Variants in CHST11 observed in about 807,000 individuals in gnomAD.
The protein encoded by CHST11 is carbohydrate sulfotransferase 11, also known as C4S-1.
In CHST11, 9 loss-of-function variants were observed where a neutral mutation model predicts 30.4. The observed-to-expected ratio is 0.30, with a 90% CI of 0.18 to 0.52. The LOEUF is 0.52. CHST11 is among the 20% of genes least tolerant of loss of function. The pLI is 0.97. For synonymous variants in CHST11, 152 were observed against 187.8 expected (o/e 0.81, Z 1.56); for missense variants, 348 against 460.6 (o/e 0.76, Z 2.24).
At chr12:104,725,742 C>G (rs1408515075) in intron 2 of CHST11, among the ~76,000 whole-genome samples, 1 of 151,998 alleles carries the variant, frequency 6.6e-6, no homozygotes, top group African/African-American at 2.4e-5. Flanking sequence ...ATTCTTATCA[C>G]CCTTTACACA....
intron 2 of CHST11, among the ~76,000 whole-genome samples, chr12:104,631,261 T>G (rs150266041): frequency 6.2e-4 from 95 of 152,312 alleles, no homozygotes; most frequent in Admixed American, 4.9e-3. Flanking sequence ...TCCTTTTCAG[T>G]GGGGTCACCC....
rs1026483336 is a variant in CHST11, at chr12:104,614,434, A to G, written c.204+12443A>G. Among the ~76,000 whole-genome samples, 4 of 152,294 alleles carry G rather than the reference A, an allele frequency of 2.6e-5. No homozygotes were observed. The East Asian group carries it at 7.7e-4, about 29-fold the overall frequency. On this transcript the variant is annotated intron_variant, in intron 2 of 2. Transcript: ENST00000303694. Reference sequence around the variant, plus strand: ...TGTTGTGCACCAATTGTTCCAGCTGACTCGGGAGGCTGAGACGGGAGGATC... The same window carrying G: ...TGTTGTGCACCAATTGTTCCAGCTGGCTCGGGAGGCTGAGACGGGAGGATC...
intron 2 of CHST11, among the ~76,000 whole-genome samples, chr12:104,650,741 T>C (rs2039482661): frequency 6.6e-6 from 1 of 152,178 alleles, no homozygotes; most frequent in Non-Finnish European, 1.5e-5. Context: ...TGGAATTTGA[T>C]CTGAGCCTAA....
chr12:104,576,205 A>G (rs61940027), intron 1 of CHST11, among the ~76,000 whole-genome samples: 10,749 of 152,160 alleles, frequency 0.071, 431 homozygotes, highest in Middle Eastern at 0.11. Flanking sequence ...CAGGAACTCT[A>G]TGAACTAAGT....
In CHST11 at chr12:104,551,338, C is replaced by T. The variant is rs539803165; in HGVS notation, c.119-50568C>T. ...GCACACCAGGGTGAGGGCCTCCAAA[C>T]GCTGACAGCATCATTCCACCAGGTA... is the stretch of plus-strand genomic sequence containing the variant. On this transcript the variant is annotated intron_variant, in intron 1 of 2. Coordinates refer to ENST00000303694, the MANE Select transcript of CHST11 (RefSeq NM_018413.6). 6.6e-5 allele frequency among the ~76,000 whole-genome samples: 10 copies of T among 152,202 alleles called. No individual in the cohort carries two copies. In the East Asian group the frequency reaches 1.9e-3, roughly 29 times the overall value.
At chr12:104,552,024 T>G (rs2038410498) in intron 1 of CHST11, 1 of 152,244 alleles carries the variant, frequency 6.6e-6, no homozygotes, top group Non-Finnish European at 1.5e-5. Context: ...TTTGAGTAAA[T>G]TAGAGTTTCT....
At chr12:104,548,252 G>T (rs1310903644) in intron 1 of CHST11, among the ~76,000 whole-genome samples, 1 of 152,330 alleles carries the variant, frequency 6.6e-6, no homozygotes, top group East Asian at 1.9e-4. Context: ...TAGAAAGCAG[G>T]GAAGGAGGCA....
chr12:104,515,574 C>G (rs1360604840), intron 1 of CHST11, among the ~76,000 whole-genome samples: 2 of 152,174 alleles, frequency 1.3e-5, no homozygotes, highest in Non-Finnish European at 2.9e-5. Flanking sequence ...GTGCCAGACA[C>G]TGTTAGGGGT....
chr12:104,470,081 T>G (rs536887568), intron 1 of CHST11, among the ~76,000 whole-genome samples: 20 of 152,362 alleles, frequency 1.3e-4, no homozygotes, highest in African/African-American at 4.3e-4. Flanking sequence ...GAAGGTGTGC[T>G]ACTGGCATTT....
intron 2 of CHST11, among the ~76,000 whole-genome samples, chr12:104,619,044 G>C (rs992680882): frequency 6.6e-6 from 1 of 152,228 alleles, no homozygotes; most frequent in African/African-American, 2.4e-5. Context: ...CCCGCAGATG[G>C]GTGGTCAGCT....
At chr12:104,488,861 G>A (rs1043997740) in intron 1 of CHST11, among the ~76,000 whole-genome samples, 16 of 152,040 alleles carry the variant, frequency 1.1e-4, no homozygotes, top group South Asian at 6.2e-4. Flanking sequence ...TGGGTGGCTC[G>A]CAGTTCTGGA....
chr12:104,476,096 A>G (rs2037557942), intron 1 of CHST11, among the ~76,000 whole-genome samples: 1 of 142,126 alleles, frequency 7.0e-6, no homozygotes, highest in Admixed American at 7.2e-5. Flanking sequence ...ATAAATTATA[A>G]TTATATATAA....
intron 2 of CHST11, among the ~76,000 whole-genome samples, chr12:104,715,139 C>A (rs567418481): frequency 5.3e-5 from 8 of 151,976 alleles, no homozygotes; most frequent in Non-Finnish European, 5.9e-5. Flanking sequence ...CCAAGGCAGG[C>A]GGATCACTTG....
Position 104,457,390 on chromosome 12 carries a change from TC to T in CHST11, c.-18del. The T allele has an allele frequency of 6.3e-7, 1 of 1,584,484 alleles. No individual in the cohort carries two copies. The highest frequency in any genetic ancestry group is 1.3e-5 in the African/African-American group (1 of 74,366). On this transcript the variant is annotated 5_prime_UTR_variant, in exon 1 of 3. Coordinates refer to ENST00000303694, the MANE Select transcript of CHST11 (RefSeq NM_018413.6). ...CGGGCGCGCTTCCCGGACACCCCGG[TC>T]CCCGCAGCCAGGACAAAGCCATGAA... is the stretch of plus-strand genomic sequence containing the variant.
chr12:104,469,712 T>A (rs2037489880), intron 1 of CHST11, among the ~76,000 whole-genome samples: 1 of 152,158 alleles, frequency 6.6e-6, no homozygotes, highest in South Asian at 2.1e-4. Flanking sequence ...CATTTGTAGC[T>A]GGGGCACAGA....
At chr12:104,473,609 G>A (rs1334520239) in intron 1 of CHST11, among the ~76,000 whole-genome samples, 1 of 152,148 alleles carries the variant, frequency 6.6e-6, no homozygotes, top group Admixed American at 6.5e-5. Flanking sequence ...ACCCCTGAAA[G>A]ATGCCGCCCT....
intron 2 of CHST11, among the ~76,000 whole-genome samples, chr12:104,628,427 A>T (rs545502552): frequency 6.6e-6 from 1 of 152,278 alleles, no homozygotes; most frequent in African/African-American, 2.4e-5. Context: ...ACACAACATG[A>T]GCCTATCAAG....
intron 2 of CHST11, among the ~76,000 whole-genome samples, chr12:104,716,387 G>C (rs1201216836): frequency 6.6e-6 from 1 of 152,254 alleles, no homozygotes; most frequent in Non-Finnish European, 1.5e-5. Flanking sequence ...AACACTCTAT[G>C]CCTCAGTTTC....
chr12:104,514,390 T>TGG, intron 1 of CHST11: 1 of 925,308 alleles, frequency 1.1e-6, no homozygotes, highest in Non-Finnish European at 1.8e-6. Flanking sequence ...TCTGAGGTCA[T>TGG]GGGGCTCTTC....
Sources: gnomAD v4.1 joint callset for allele counts (sites outside exome capture counted in the v4.1 genomes callset) on GRCh38, gnomAD v4.1.1 for gene constraint, MANE v1.5 for transcripts, NCBI Gene and HGNC (gene_info 2026-07-23, HGNC 2026-07-21) for gene names.